MEGF11: variants seen among roughly 807,000 people sequenced by gnomAD.
MEGF11 encodes the protein multiple epidermal growth factor-like domains protein 11.
In MEGF11, 126 loss-of-function variants were observed where a neutral mutation model predicts 146.6. The observed-to-expected ratio is 0.86, with a 90% CI of 0.74 to 1.00. MEGF11 has a LOEUF of 1.00. MEGF11 is among the 50% of genes least tolerant of loss of function. MEGF11 has a pLI of 0.00. For synonymous variants in MEGF11, 532 were observed against 583.4 expected, an observed-to-expected ratio of 0.91 and a Z score of 1.27; for missense variants, 1,509 against 1,521.2, an observed-to-expected ratio of 0.99 and a Z score of 0.13.
At chr15:66,140,879 G>A (rs1045590361) in intron 1 of MEGF11, among the ~76,000 whole-genome samples, 3 of 152,154 alleles carry the variant, frequency 2.0e-5, no homozygotes, top group African/African-American at 7.2e-5. Context: ...GCCATATTCG[G>A]GGACTTGCGA....
intron 1 of MEGF11, among the ~76,000 whole-genome samples, chr15:66,161,253 G>C (rs2141076312): frequency 6.6e-6 from 1 of 152,272 alleles, no homozygotes; most frequent in East Asian, 1.9e-4. Flanking sequence ...TGAATGTAAG[G>C]GGCTATGCTT....
chr15:66,047,644 C>T (rs974971342), intron 5 of MEGF11, among the ~76,000 whole-genome samples: 2 of 152,148 alleles, frequency 1.3e-5, no homozygotes, highest in Non-Finnish European at 2.9e-5. Context: ...TCCCTTTTTC[C>T]CTGGCCCACA....
chr15:65,981,406 CTG>C (rs2081634460), intron 6 of MEGF11, among the ~76,000 whole-genome samples: 1 of 152,164 alleles, frequency 6.6e-6, no homozygotes, highest in African/African-American at 2.4e-5. Flanking sequence ...TTTGCAGGGA[CTG>C]GGTGCTGTTG....
At chr15:66,144,540 T>C (rs2141015633) in intron 1 of MEGF11, among the ~76,000 whole-genome samples, 1 of 152,272 alleles carries the variant, frequency 6.6e-6, no homozygotes, top group East Asian at 1.9e-4. Flanking sequence ...TTAGTGAAGT[T>C]GCCTGTTACA....
chr15:66,031,221 G>A (rs2083505207), intron 5 of MEGF11, among the ~76,000 whole-genome samples: 1 of 152,122 alleles, frequency 6.6e-6, no homozygotes, highest in Non-Finnish European at 1.5e-5. Context: ...CCCATCCTAG[G>A]TACCCGCTAA....
chr15:66,014,652 C>A (rs1434418325), intron 5 of MEGF11, among the ~76,000 whole-genome samples: 1 of 152,176 alleles, frequency 6.6e-6, no homozygotes, highest in Non-Finnish European at 1.5e-5. Context: ...ACTCCAGGGA[C>A]AAAGAGCACC....
chr15:66,018,402 G>GT (rs2082970665), intron 5 of MEGF11, among the ~76,000 whole-genome samples: 8 of 152,244 alleles, frequency 5.3e-5, no homozygotes, highest in Admixed American at 5.2e-4. Context: ...ACTCCTCCCT[G>GT]TGAAATAAGA....
intron 5 of MEGF11, among the ~76,000 whole-genome samples, chr15:66,038,725 T>C (rs1317898678): frequency 6.6e-6 from 1 of 152,128 alleles, no homozygotes; most frequent in Admixed American, 6.5e-5. Context: ...GAACCCCGGT[T>C]CTGCCTCTGA....
At chr15:66,056,850 A>T (rs1216069584) in intron 5 of MEGF11, among the ~76,000 whole-genome samples, 2 of 152,168 alleles carry the variant, frequency 1.3e-5, no homozygotes, top group East Asian at 3.8e-4. Context: ...TCACCCTGTC[A>T]TTCTCTGATT....
At chr15:66,137,551 C>T (rs536860654) in intron 1 of MEGF11, among the ~76,000 whole-genome samples, 2 of 107,282 alleles carry the variant, frequency 1.9e-5, no homozygotes, top group Admixed American at 2.3e-4. Context: ...TTTTGGGTGA[C>T]TTTCTTTCTT....
chr15:66,138,642 CAGG>C (rs2140996400), intron 1 of MEGF11, among the ~76,000 whole-genome samples: 1 of 152,302 alleles, frequency 6.6e-6, no homozygotes, highest in Non-Finnish European at 1.5e-5. Context: ...CCTGGAATCT[CAGG>C]AGGTTTCTGA....
At chr15:65,905,966 C>T in intron 24 of MEGF11, 119 bp downstream of exon 24, 2 of 756,602 alleles carry the variant, frequency 2.6e-6, no homozygotes, top group South Asian at 2.0e-5. Context: ...GGTCTTTTAA[C>T]CTTCTGTGGG....
intron 5 of MEGF11, among the ~76,000 whole-genome samples, chr15:65,991,598 G>A (rs114560367): frequency 1.3e-5 from 2 of 152,232 alleles, no homozygotes; most frequent in South Asian, 2.1e-4. Flanking sequence ...GCAATCAAAA[G>A]TGCCTCCAGA....
chr15:65,949,377 C>T (rs1596888939), intron 10 of MEGF11, among the ~76,000 whole-genome samples: 1 of 152,154 alleles, frequency 6.6e-6, no homozygotes, highest in African/African-American at 2.4e-5. Context: ...ACCAGTGGCA[C>T]AGAGAAAGGT....
At chr15:66,006,867 T>C (rs111772282) in intron 5 of MEGF11, among the ~76,000 whole-genome samples, 4 of 152,198 alleles carry the variant, frequency 2.6e-5, no homozygotes, top group South Asian at 2.1e-4. Context: ...GGACACATAA[T>C]GGGAGGGAGA....
In MEGF11 at chr15:65,896,725, A is replaced by G. The variant is rs2078365670; in HGVS notation, c.*1209T>C. On this transcript the variant is annotated 3_prime_UTR_variant, in exon 26 of 26. Transcript: ENST00000395614. ...ATACTGGGATCTGGAGCATTAGCTC[A>G]TTGTAATGCATATTGGGCTAGCTCA... is the stretch of plus-strand genomic sequence containing the variant. The G allele has an allele frequency of 6.6e-6, 1 of 152,254 alleles. No individual in the cohort carries two copies. The allele number at this position is 152,254 out of a possible 1,614,324, so 9.4% of individuals were successfully genotyped here.
At chr15:65,994,490 G>A (rs946040268) in intron 5 of MEGF11, among the ~76,000 whole-genome samples, 3 of 152,210 alleles carry the variant, frequency 2.0e-5, no homozygotes, top group African/African-American at 7.2e-5. Context: ...ATTCATGCTG[G>A]AGCTGGGGGC....
intron 4 of MEGF11, among the ~76,000 whole-genome samples, chr15:66,102,938 G>A (rs536223125): frequency 1.3e-5 from 2 of 152,360 alleles, no homozygotes; most frequent in East Asian, 3.9e-4. Context: ...GCCACACACT[G>A]TTCCAAGCAC....
rs1036972981 is a variant in MEGF11 at position 66,158,139 on chromosome 15, T to TA, written c.-8-29729dup. Reference sequence around the variant, plus strand: ...AGATTCCCAGATTCATTTTAGATAATAAAAAAAAATTGCTGGAAAAGGGAC... The same window carrying TA: ...AGATTCCCAGATTCATTTTAGATAATAAAAAAAAAATTGCTGGAAAAGGGAC... On this transcript the variant is annotated intron_variant, in intron 1 of 25. Transcript: ENST00000395614. 2.8e-3 allele frequency among the ~76,000 whole-genome samples: 421 copies of TA among 151,748 alleles called. 4 individuals carry two copies. Among genetic ancestry groups the TA allele is most frequent in the African/African-American group, 8.6e-3 (354 of 41,386 alleles).
Sources: gnomAD v4.1 joint callset for allele counts (sites outside exome capture counted in the v4.1 genomes callset) on GRCh38, gnomAD v4.1.1 for gene constraint, MANE v1.5 for transcripts, NCBI Gene and HGNC (gene_info 2026-07-23, HGNC 2026-07-21) for gene names.